The following PTPRT variants were observed in gnomAD, a reference collection of about 807,000 sequenced individuals.
PTPRT encodes receptor-type tyrosine-protein phosphatase T.
PTPRT carries 56 observed loss-of-function variants against 176.8 expected under a neutral mutation model. The observed-to-expected ratio is 0.32, with a 90% CI of 0.26 to 0.40. PTPRT has a LOEUF of 0.40. Among genes scored for constraint, PTPRT ranks in the 10% least tolerant of loss-of-function variants. The probability of loss-of-function intolerance (pLI) is 1.00; values close to 1 mark genes in which losing one functional copy is unlikely to be tolerated. For missense variants in PTPRT, 1,540 were observed against 1,908.2 expected (o/e 0.81, Z 3.60); for synonymous variants, 783 against 739.0 (o/e 1.06, Z -0.96).
chr20:43,113,706 C>G (rs145712397), intron 1 of PTPRT, among the ~76,000 whole-genome samples: 52 of 152,270 alleles, frequency 3.4e-4, no homozygotes, highest in African/African-American at 1.3e-3. Flanking sequence ...TTAAAACTCC[C>G]AGTGGAAAGA....
At chr20:42,135,341 T>C (rs981505440) in intron 18 of PTPRT, among the ~76,000 whole-genome samples, 2 of 152,268 alleles carry the variant, frequency 1.3e-5, no homozygotes, top group East Asian at 1.9e-4. Flanking sequence ...CACAACTATA[T>C]AAATTCAGTT....
intron 17 of PTPRT, among the ~76,000 whole-genome samples, chr20:42,145,931 A>G (rs1266105824): frequency 1.3e-5 from 2 of 152,198 alleles, no homozygotes; most frequent in South Asian, 2.1e-4. Flanking sequence ...TTATAAGGAT[A>G]GGTAAGTGCT....
intron 12 of PTPRT, among the ~76,000 whole-genome samples, chr20:42,288,570 T>C (rs930017108): frequency 6.6e-6 from 1 of 151,974 alleles, no homozygotes; most frequent in African/African-American, 2.4e-5. Context: ...TTTATGTCCA[T>C]GTGTACCCAA....
chr20:42,057,401 C>T, the PTPRT span, among the ~76,000 whole-genome samples: 71 of 152,168 alleles, frequency 4.7e-4, 1 homozygote, highest in East Asian at 9.7e-4. Flanking sequence ...CAGCAGGGAA[C>T]GGATTGTGAG....
At chr20:42,551,317 C>G (rs912754927) in intron 7 of PTPRT, among the ~76,000 whole-genome samples, 1 of 152,096 alleles carries the variant, frequency 6.6e-6, no homozygotes, top group African/African-American at 2.4e-5. Flanking sequence ...TGGGCTCATT[C>G]TTTTAGAAAT....
At chr20:42,554,485 A>G (rs2072826253) in intron 7 of PTPRT, among the ~76,000 whole-genome samples, 1 of 152,154 alleles carries the variant, frequency 6.6e-6, no homozygotes, top group Admixed American at 6.6e-5. Context: ...GGCTGTCCTC[A>G]CTGCTCAGCA....
chr20:42,710,753 T>C (rs775972624), intron 6 of PTPRT, among the ~76,000 whole-genome samples: 9 of 152,318 alleles, frequency 5.9e-5, no homozygotes, highest in Non-Finnish European at 8.8e-5. Context: ...GCCCTCCAGA[T>C]CCCAGAATGG....
intron 7 of PTPRT, among the ~76,000 whole-genome samples, chr20:42,609,568 C>T (rs1170456948): frequency 1.3e-5 from 2 of 152,226 alleles, no homozygotes; most frequent in African/African-American, 4.8e-5. Flanking sequence ...AAATCCAACA[C>T]TGACTCTTTG....
At chr20:42,688,779 C>T (rs2146109583) in intron 6 of PTPRT, among the ~76,000 whole-genome samples, 1 of 152,242 alleles carries the variant, frequency 6.6e-6, no homozygotes, top group South Asian at 2.1e-4. Flanking sequence ...GCACCCTGGT[C>T]AGCGACACAG....
At chr20:42,144,923 G>A (rs1988793923) in intron 17 of PTPRT, among the ~76,000 whole-genome samples, 1 of 152,146 alleles carries the variant, frequency 6.6e-6, no homozygotes, top group African/African-American at 2.4e-5. Flanking sequence ...AATAAGCCCT[G>A]TTTTATTGGC....
At chr20:42,666,952 C>T (rs1049151850) in intron 7 of PTPRT, among the ~76,000 whole-genome samples, 12 of 152,118 alleles carry the variant, frequency 7.9e-5, no homozygotes, top group Admixed American at 6.5e-4. Context: ...GCTATAAGAA[C>T]GTTTTCTTCT....
chr20:42,641,624 A>G (rs2074753697), intron 7 of PTPRT, among the ~76,000 whole-genome samples: 1 of 152,180 alleles, frequency 6.6e-6, no homozygotes, highest in Non-Finnish European at 1.5e-5. Context: ...TGGGAGCCAG[A>G]TTAAGGCTGA....
At chr20:42,929,807 A>G (rs1252647234) in intron 1 of PTPRT, among the ~76,000 whole-genome samples, 12 of 152,260 alleles carry the variant, frequency 7.9e-5, no homozygotes, top group Admixed American at 7.8e-4. Context: ...CGTGGATCAG[A>G]CAAAGCAACT....
intron 9 of PTPRT, among the ~76,000 whole-genome samples, chr20:42,367,703 G>A (rs781587195): frequency 3.3e-5 from 5 of 152,166 alleles, no homozygotes; most frequent in Non-Finnish European, 7.3e-5. Context: ...TGAGATTTCA[G>A]CAAGGACGTC....
At chr20:42,931,259 C>A (rs1211717964) in intron 1 of PTPRT, among the ~76,000 whole-genome samples, 2 of 152,182 alleles carry the variant, frequency 1.3e-5, no homozygotes, top group Non-Finnish European at 2.9e-5. Flanking sequence ...GGGTGGGGTC[C>A]TAATCCAATG....
intron 6 of PTPRT, among the ~76,000 whole-genome samples, chr20:42,722,997 G>A (rs893203910): frequency 6.6e-6 from 1 of 152,162 alleles, no homozygotes; most frequent in Non-Finnish European, 1.5e-5. Context: ...TCCTGCTTCT[G>A]ATACTGAATG....
chr20:42,182,952 A>G (rs1026889403), intron 16 of PTPRT, among the ~76,000 whole-genome samples: 1 of 138,884 alleles, frequency 7.2e-6, no homozygotes, highest in African/African-American at 2.6e-5. Context: ...GTGTAATCAG[A>G]TTTCCATGTG....
intron 1 of PTPRT, among the ~76,000 whole-genome samples, chr20:43,159,573 C>T (rs574237350): frequency 6.6e-6 from 1 of 152,336 alleles, no homozygotes; most frequent in Admixed American, 6.5e-5. Context: ...CCTTTCTCTT[C>T]TCCTCATTAC....
chr20:42,838,935 C>T (rs1217855021), intron 2 of PTPRT, among the ~76,000 whole-genome samples: 2 of 152,102 alleles, frequency 1.3e-5, no homozygotes, highest in Admixed American at 6.5e-5. Flanking sequence ...AGACTTGAGG[C>T]TCCTACACCT....
Sources: gnomAD v4.1 joint callset for allele counts (sites outside exome capture counted in the v4.1 genomes callset) on GRCh38, gnomAD v4.1.1 for gene constraint, MANE v1.5 for transcripts, NCBI Gene and HGNC (gene_info 2026-07-23, HGNC 2026-07-21) for gene names.